The following ATP6V0E1 variants were observed in gnomAD, a reference collection of about 807,000 sequenced individuals.
ATP6V0E1 encodes V-type proton ATPase subunit e 1.
Under a neutral mutation model 11.6 loss-of-function variants are expected in ATP6V0E1, and 4 were observed. The ratio of observed to expected loss-of-function variants is 0.35; its 90% CI spans 0.17 to 0.79. The LOEUF (loss-of-function observed/expected upper bound fraction) is 0.79. Among genes scored for constraint, ATP6V0E1 ranks in the 30% least tolerant of loss-of-function variants. The pLI is 0.54. For missense variants in ATP6V0E1, 105 were observed against 100.0 expected, an observed-to-expected ratio of 1.05 and a Z score of -0.21; for synonymous variants, 36 against 34.8, an observed-to-expected ratio of 1.04 and a Z score of -0.13.
intron 2 of ATP6V0E1, among the ~76,000 whole-genome samples, chr5:173,013,680 CAACTT>C (rs1182508590): frequency 4.6e-5 from 7 of 150,974 alleles, no homozygotes; most frequent in Non-Finnish European, 1.0e-4. Context: ...GGACCTCAAA[CAACTT>C]AACAGTTAAA....
At chr5:173,029,029 A>T (rs941227986) in intron 3 of ATP6V0E1, among the ~76,000 whole-genome samples, 2 of 152,198 alleles carry the variant, frequency 1.3e-5, no homozygotes, top group South Asian at 4.1e-4. Context: ...GAAGGCATAG[A>T]AATGCTGTTT....
At chr5:173,027,363 A>G (rs1756579570) in intron 3 of ATP6V0E1, among the ~76,000 whole-genome samples, 1 of 142,680 alleles carries the variant, frequency 7.0e-6, no homozygotes, top group African/African-American at 2.6e-5. Flanking sequence ...TGAGCCTGAC[A>G]TGGTGGCGGG....
intron 2 of ATP6V0E1, among the ~76,000 whole-genome samples, chr5:173,017,893 A>G (rs913521026): frequency 1.3e-5 from 2 of 151,924 alleles, no homozygotes; most frequent in Non-Finnish European, 2.9e-5. Flanking sequence ...CTAGATCCCA[A>G]TGTACCATGC....
chr5:172,984,003 G>C (rs759750350), intron 1 of ATP6V0E1, 39 bp downstream of exon 1: 1 of 1,594,198 alleles, frequency 6.3e-7, no homozygotes, highest in Admixed American at 1.7e-5. Context: ...AACGGGCGGT[G>C]AGGAGCTAGC....
Position 173,020,538 on chromosome 5 carries a change from A to G in ATP6V0E1, c.*36+171A>G, listed in dbSNP as rs972787930. 5.4e-5 allele frequency: 31 copies of G among 577,112 alleles called. No individual in the cohort carries two copies. The African/African-American group carries it at 5.8e-4, about 11-fold the overall frequency. 35.7% of individuals were successfully genotyped at this position (577,112 alleles called of 1,614,324 possible). On this transcript the variant is annotated intron_variant, in intron 3 of 3. Transcript: ENST00000519374. ...GGAACTTAAGCCTTAGCTTACCTAA[A>G]TCTCATTAAGATTCTTTTTAGATTC...
chr5:172,983,781 G>C lies in ATP6V0E1; in HGVS notation c.-80G>C. The C allele has an allele frequency of 2.9e-6, 4 of 1,396,610 alleles. No individual in the cohort carries two copies. Among genetic ancestry groups the C allele is most frequent in the Non-Finnish European group, 4.0e-6 (4 of 990,958 alleles). The allele number at this position is 1,396,610 out of a possible 1,614,324, so 86.5% of individuals were successfully genotyped here. On this transcript the variant is annotated 5_prime_UTR_variant, in exon 1 of 4. Coordinates refer to ENST00000519374, the MANE Select transcript of ATP6V0E1 (RefSeq NM_003945.4). ...CGGGAGGCGGGGCTTGCACACGCTG[G>C]TCACGCGGTCAGCTATTGACACTTC...
At position 173,034,482 on chromosome 5, in the gene ATP6V0E1, C is replaced by G; in HGVS notation, c.*120C>G. On this transcript the variant is annotated 3_prime_UTR_variant, in exon 4 of 4. Transcript: ENST00000519374. The stretch of plus-strand genomic sequence containing the variant: ...TTGACTTGCCTGTTTTGGCCATTAG[C>G]TGCCTTAAACGTTAACAGCACATTT... The G allele has an allele frequency of 1.4e-6, 1 of 702,380 alleles. No homozygotes were observed. The highest frequency in any genetic ancestry group is 2.6e-6 in the Non-Finnish European group (1 of 384,484). 43.5% of individuals were successfully genotyped at this position (702,380 alleles called of 1,614,324 possible). A position where few individuals can be genotyped will look rare whatever the true frequency, so the allele number is the denominator to read the frequency against.
Position 173,020,356 on chromosome 5 carries a change from T to C in ATP6V0E1, c.*25T>C, listed in dbSNP as rs1756460360. 1.9e-6 allele frequency: 3 copies of C among 1,555,940 alleles called. No homozygotes were observed. Among genetic ancestry groups the C allele is most frequent in the Admixed American group, 1.7e-5 (1 of 59,752 alleles). ...AGGAAGAAGACATGCTCTACAGTGC[T>C]CAGTCTTTGAGGTGACTATGCTTGT... is the stretch of plus-strand genomic sequence containing the variant. On this transcript the variant is annotated 3_prime_UTR_variant, in exon 3 of 4. Coordinates refer to ENST00000519374, the MANE Select transcript of ATP6V0E1 (RefSeq NM_003945.4).
chr5:173,009,840 T>A (rs2113597419), intron 2 of ATP6V0E1, among the ~76,000 whole-genome samples: 1 of 149,036 alleles, frequency 6.7e-6, no homozygotes, highest in Non-Finnish European at 1.5e-5. Context: ...CTGAGCTCAC[T>A]GCAACCTCTG....
intron 3 of ATP6V0E1, among the ~76,000 whole-genome samples, chr5:173,029,025 A>G (rs927200879): frequency 3.3e-5 from 5 of 152,228 alleles, no homozygotes; most frequent in African/African-American, 4.8e-5. Context: ...GTCTGAAGGC[A>G]TAGAAATGCT....
At chr5:173,022,000 A>AC (rs1335031573) in intron 3 of ATP6V0E1, among the ~76,000 whole-genome samples, 1 of 152,146 alleles carries the variant, frequency 6.6e-6, no homozygotes, top group Non-Finnish European at 1.5e-5. Flanking sequence ...GCGCCACTGC[A>AC]CTCCAGCCTG....
At chr5:173,002,407 G>A (rs1756171716) in intron 2 of ATP6V0E1, among the ~76,000 whole-genome samples, 1 of 151,810 alleles carries the variant, frequency 6.6e-6, no homozygotes, top group Non-Finnish European at 1.5e-5. Context: ...CTTTTTTCTT[G>A]GAAATTTTAA....
intron 2 of ATP6V0E1, among the ~76,000 whole-genome samples, chr5:173,012,531 TC>T (rs967899581): frequency 3.2e-4 from 48 of 151,984 alleles, no homozygotes; most frequent in Non-Finnish European, 5.9e-4. Flanking sequence ...GGCGGGCAGA[TC>T]ACCTGAGGTC....
At chr5:173,020,795 G>C in intron 3 of ATP6V0E1, 1 of 519,642 alleles carries the variant, frequency 1.9e-6, no homozygotes, top group Non-Finnish European at 3.8e-6. Flanking sequence ...GGAGAGGAAT[G>C]TCTTGTCTTC....
intron 2 of ATP6V0E1, among the ~76,000 whole-genome samples, chr5:173,005,217 G>A (rs942328990): frequency 5.3e-5 from 8 of 150,428 alleles, no homozygotes; most frequent in Admixed American, 3.3e-4. Flanking sequence ...ATATCAATTT[G>A]AAGAGAACTG....
intron 1 of ATP6V0E1, among the ~76,000 whole-genome samples, chr5:172,992,252 C>T (rs1028018758): frequency 6.6e-5 from 10 of 152,070 alleles, no homozygotes; most frequent in African/African-American, 2.4e-4. Flanking sequence ...GGGGTTTCAC[C>T]GTGTTAGCCA....
chr5:173,025,641 C>T (rs1409542848), intron 3 of ATP6V0E1, among the ~76,000 whole-genome samples: 5 of 147,778 alleles, frequency 3.4e-5, no homozygotes, highest in East Asian at 2.0e-4. Context: ...ACTGTAGACA[C>T]GTGACACCAC....
At chr5:172,984,185 C>G (rs917793802) in intron 1 of ATP6V0E1, among the ~76,000 whole-genome samples, 1 of 152,100 alleles carries the variant, frequency 6.6e-6, no homozygotes, top group Non-Finnish European at 1.5e-5. Flanking sequence ...TGGTGGACCC[C>G]CCTTGGAAAC....
chr5:173,020,779 C>A (rs1394317769), intron 3 of ATP6V0E1: 1 of 519,424 alleles, frequency 1.9e-6, no homozygotes, highest in Non-Finnish European at 3.8e-6. Flanking sequence ...TGGTGTTACA[C>A]TGCTGGGAGA....
Sources: gnomAD v4.1 joint callset for allele counts (sites outside exome capture counted in the v4.1 genomes callset) on GRCh38, gnomAD v4.1.1 for gene constraint, MANE v1.5 for transcripts, NCBI Gene and HGNC (gene_info 2026-07-23, HGNC 2026-07-21) for gene names.